Variants in DLC1 observed in about 807,000 individuals in gnomAD.
DLC1 encodes rho GTPase-activating protein 7.
In DLC1, 54 loss-of-function variants were observed where a neutral mutation model predicts 140.3. The observed-to-expected ratio is 0.38, with a 90% CI of 0.31 to 0.48. The LOEUF (loss-of-function observed/expected upper bound fraction) is 0.48. Among genes scored for constraint, DLC1 ranks in the 20% least tolerant of loss-of-function variants. The probability of loss-of-function intolerance (pLI) is 0.96; values close to 1 mark genes in which losing one functional copy is unlikely to be tolerated. For synonymous variants in DLC1, 986 were observed against 728.1 expected, an observed-to-expected ratio of 1.35 and a Z score of -5.70; for missense variants, 2,536 against 1,907.0, an observed-to-expected ratio of 1.33 and a Z score of -6.14.
intron 2 of DLC1, among the ~76,000 whole-genome samples, chr8:13,420,120 CT>C (rs1838250453): frequency 6.6e-6 from 1 of 151,848 alleles, no homozygotes; most frequent in Non-Finnish European, 1.5e-5. Flanking sequence ...CTTTATTAGT[CT>C]TGCTAGCAGT....
intron 5 of DLC1, among the ~76,000 whole-genome samples, chr8:13,302,903 AT>A (rs1489981849): frequency 6.6e-6 from 1 of 152,200 alleles, no homozygotes; most frequent in Non-Finnish European, 1.5e-5. Flanking sequence ...AACACTCAAA[AT>A]ATTTTTAATG....
At chr8:13,150,579 G>A (rs1823732776) in intron 5 of DLC1, among the ~76,000 whole-genome samples, 1 of 152,176 alleles carries the variant, frequency 6.6e-6, no homozygotes, top group Non-Finnish European at 1.5e-5. Context: ...TATCCTCTTA[G>A]ACAGAAGCAT....
chr8:13,423,727 A>T (rs1838424510), intron 2 of DLC1, among the ~76,000 whole-genome samples: 1 of 152,176 alleles, frequency 6.6e-6, no homozygotes, highest in Admixed American at 6.5e-5. Flanking sequence ...TTTACTGATG[A>T]CTAAAAGGGC....
At chr8:13,595,677 C>G (rs146003821) in intron 1 of DLC1, among the ~76,000 whole-genome samples, 1 of 151,930 alleles carries the variant, frequency 6.6e-6, no homozygotes, top group Admixed American at 6.6e-5. Flanking sequence ...CATATTTAAA[C>G]ATAAACATTC....
At chr8:13,143,620 GA>G (rs1451217302) in intron 5 of DLC1, among the ~76,000 whole-genome samples, 3 of 94,014 alleles carry the variant, frequency 3.2e-5, no homozygotes, top group Non-Finnish European at 4.7e-5. Context: ...CACCCTGGTT[GA>G]TTTTTTTTTT....
intron 2 of DLC1, among the ~76,000 whole-genome samples, chr8:13,401,995 C>G (rs1837320381): frequency 6.6e-6 from 1 of 151,960 alleles, no homozygotes; most frequent in Non-Finnish European, 1.5e-5. Context: ...TTATTTGTGG[C>G]TAGACATTTA....
At chr8:13,092,579 C>T in intron 13 of DLC1, 33 bp downstream of exon 13, 1 of 1,603,606 alleles carries the variant, frequency 6.2e-7, no homozygotes, top group South Asian at 1.1e-5. Flanking sequence ...TAGGCTGCCC[C>T]CTGTGTGCAT....
At chr8:13,135,099 G>C (rs1286617976) in intron 5 of DLC1, among the ~76,000 whole-genome samples, 2 of 152,174 alleles carry the variant, frequency 1.3e-5, no homozygotes, top group South Asian at 2.1e-4. Flanking sequence ...ACCAGCAAGG[G>C]GGAGTGTGAT....
chr8:13,243,964 C>A (rs1477921264), intron 5 of DLC1, among the ~76,000 whole-genome samples: 1 of 152,194 alleles, frequency 6.6e-6, no homozygotes, highest in African/African-American at 2.4e-5. Context: ...CTCATACTCA[C>A]TCTTTTCCTC....
intron 7 of DLC1, among the ~76,000 whole-genome samples, 170 bp from the exon 8 acceptor site, chr8:13,103,023 T>C (rs1446700544): frequency 6.6e-6 from 1 of 152,148 alleles, no homozygotes; most frequent in East Asian, 1.9e-4. Context: ...CATTTAAAAA[T>C]ACCTTGGCCG....
At chr8:13,405,921 C>CTTTCTTTCT (rs1462835451) in intron 2 of DLC1, among the ~76,000 whole-genome samples, 6 of 50,818 alleles carry the variant, frequency 1.2e-4, no homozygotes, top group African/African-American at 4.2e-4. Context: ...CTTTTCTTTT[C>CTTTCTTTCT]TTTCTTTCTT....
chr8:13,581,142 C>G (rs986240037), intron 1 of DLC1, among the ~76,000 whole-genome samples: 26 of 152,304 alleles, frequency 1.7e-4, no homozygotes, highest in Admixed American at 4.6e-4. Context: ...ATCTGCATGC[C>G]TGGGAGATCT....
chr8:13,100,804 G>T, intron 8 of DLC1, 34 bp from the exon 9 acceptor site: 1 of 1,523,362 alleles, frequency 6.6e-7, no homozygotes, highest in Non-Finnish European at 8.8e-7. Flanking sequence ...TCACACACTG[G>T]GGCTGGCAGC....
chr8:13,568,549 G>A, intron 1 of DLC1, among the ~76,000 whole-genome samples: 1 of 151,314 alleles, frequency 6.6e-6, no homozygotes, highest in East Asian at 2.0e-4. Context: ...GCATATAGCT[G>A]GAAGTTGAAG....
intron 6 of DLC1, among the ~76,000 whole-genome samples, chr8:13,111,571 T>C (rs1820115370): frequency 6.6e-6 from 1 of 152,188 alleles, no homozygotes; most frequent in South Asian, 2.1e-4. Context: ...TTCCTTTCTC[T>C]GGACTACATA....
At chr8:13,533,786 G>C (rs1261386027) in intron 1 of DLC1, among the ~76,000 whole-genome samples, 1 of 152,186 alleles carries the variant, frequency 6.6e-6, no homozygotes, top group Non-Finnish European at 1.5e-5. Flanking sequence ...TGATTGGATA[G>C]TGGGGTTCTC....
chr8:13,550,419 T>C (rs1281651421), intron 1 of DLC1, among the ~76,000 whole-genome samples: 1 of 152,092 alleles, frequency 6.6e-6, no homozygotes, highest in East Asian at 1.9e-4. Context: ...TACCCAGTCT[T>C]AATAGTATCT....
intron 5 of DLC1, among the ~76,000 whole-genome samples, chr8:13,125,461 T>A (rs1821470456): frequency 6.6e-6 from 1 of 152,250 alleles, no homozygotes; most frequent in Non-Finnish European, 1.5e-5. Flanking sequence ...TCCTTATTGA[T>A]CTTTCATGTT....
At chr8:13,474,890 C>T (rs544958928) in intron 2 of DLC1, among the ~76,000 whole-genome samples, 92 of 152,272 alleles carry the variant, frequency 6.0e-4, no homozygotes, top group Middle Eastern at 3.4e-3. Context: ...ATTTTACAGG[C>T]TCATAGGCAG....
Sources: allele counts gnomAD v4.1 joint callset (sites outside exome capture counted in the v4.1 genomes callset), GRCh38; gene constraint gnomAD v4.1.1; transcripts MANE v1.5; gene names NCBI Gene and HGNC (gene_info 2026-07-23, HGNC 2026-07-21).